CMIP: variants seen among roughly 807,000 people sequenced by gnomAD.
The protein encoded by CMIP is c-Maf inducing protein, also known as C-Maf-inducing protein.
A neutral mutation model predicts 97.3 loss-of-function variants in CMIP; 13 were observed. The ratio of observed to expected loss-of-function variants is 0.13; its 90% CI spans 0.09 to 0.21. CMIP has a LOEUF of 0.21. CMIP is among the 10% of genes least tolerant of loss of function. The pLI is 1.00. For missense variants in CMIP, 847 were observed against 1,024.9 expected (o/e 0.83, Z 2.37); for synonymous variants, 538 against 436.3 (o/e 1.23, Z -2.91).
intron 1 of CMIP, among the ~76,000 whole-genome samples, chr16:81,553,448 C>T (rs550246189): frequency 6.6e-6 from 1 of 152,232 alleles, no homozygotes; most frequent in Non-Finnish European, 1.5e-5. Context: ...CCTTCCTCCT[C>T]TCGGGCCAGA....
At chr16:81,465,692 C>A (rs8060726) in intron 1 of CMIP, among the ~76,000 whole-genome samples, 47,071 of 152,178 alleles carry the variant, frequency 0.31, 7,853 homozygotes, top group East Asian at 0.65. Context: ...CTCTCTGGCT[C>A]GACCATTTCG....
intron 1 of CMIP, among the ~76,000 whole-genome samples, chr16:81,591,364 A>G (rs1265482378): frequency 6.6e-6 from 1 of 152,212 alleles, no homozygotes; most frequent in Admixed American, 6.5e-5. Flanking sequence ...GGAACTCACA[A>G]CACAAACAGC....
At chr16:81,495,305 T>C in intron 1 of CMIP, 1 of 1,437,446 alleles carries the variant, frequency 7.0e-7, no homozygotes, top group Non-Finnish European at 9.1e-7. Flanking sequence ...GGCGGGGCCC[T>C]GGGCAGGCTG....
intron 1 of CMIP, among the ~76,000 whole-genome samples, chr16:81,564,529 GA>G (rs1361544184): frequency 6.6e-6 from 1 of 152,238 alleles, no homozygotes; most frequent in Non-Finnish European, 1.5e-5. Flanking sequence ...AGGAAAATAA[GA>G]GAATGAGAAG....
intron 1 of CMIP, among the ~76,000 whole-genome samples, chr16:81,515,317 G>T (rs144044621): frequency 6.6e-6 from 1 of 152,210 alleles, no homozygotes; most frequent in South Asian, 2.1e-4. Context: ...TTGGCCTTCT[G>T]ATTCTCATCC....
rs150679097 is a variant in CMIP at position 81,457,759 on chromosome 16, C to T, written c.300+12218C>T. Among the ~76,000 whole-genome samples the T allele has an allele frequency of 3.5e-3, 528 of 152,332 alleles. 2 individuals are homozygous for T. The highest frequency in any genetic ancestry group is 6.3e-3 in the Non-Finnish European group (431 of 68,026). On this transcript the variant is annotated intron_variant, in intron 1 of 20. Transcript: ENST00000537098. ...CTCCTGCACCGTCCCACAGTCACCTCGTCTCTTCAGAACTGGCCCACAGGA... is the reference window on the plus strand; with the variant it reads ...CTCCTGCACCGTCCCACAGTCACCTTGTCTCTTCAGAACTGGCCCACAGGA...
chr16:81,584,865 G>A (rs896423421), intron 1 of CMIP, among the ~76,000 whole-genome samples: 5 of 152,206 alleles, frequency 3.3e-5, no homozygotes, highest in African/African-American at 1.2e-4. Context: ...AGCCTGCTGG[G>A]CCTGGATGCC....
chr16:81,618,334 T>G (rs2091948447), intron 2 of CMIP, among the ~76,000 whole-genome samples: 1 of 152,182 alleles, frequency 6.6e-6, no homozygotes, highest in South Asian at 2.1e-4. Context: ...TTAGTCTGAC[T>G]CTGCCCTCCT....
chr16:81,620,946 C>T lies in CMIP; in HGVS notation c.477+20C>T. 5.0e-6 allele frequency: 8 copies of T among 1,613,468 alleles called. No homozygotes were observed. Among genetic ancestry groups the T allele is most frequent in the Non-Finnish European group, 5.9e-6 (7 of 1,179,496 alleles). On this transcript the variant is annotated intron_variant, in intron 3 of 20. Transcript: ENST00000537098. ...TGGAAGGTAAGTACTGACTCGGTTG[C>T]TTGTTTAAAGCGACTCAGGCAGTGG...
intron 19 of CMIP, among the ~76,000 whole-genome samples, chr16:81,706,228 C>T (rs3808612): frequency 0.47 from 71,758 of 152,132 alleles, 17,357 homozygotes; most frequent in East Asian, 0.6. Flanking sequence ...CTGCTTTAGA[C>T]GGGAAGACCC....
intron 1 of CMIP, among the ~76,000 whole-genome samples, chr16:81,491,935 T>G (rs1325615464): frequency 1.3e-5 from 2 of 152,182 alleles, no homozygotes. Flanking sequence ...TGATGGAAGC[T>G]TTTTAGTGGC....
chr16:81,622,137 C>T (rs1250942746), intron 3 of CMIP: 1 of 152,198 alleles, frequency 6.6e-6, no homozygotes, highest in African/African-American at 2.4e-5. Flanking sequence ...TGATGATTAT[C>T]GTTGTTGCCA....
At chr16:81,572,509 G>A (rs1290405353) in intron 1 of CMIP, among the ~76,000 whole-genome samples, 2 of 152,244 alleles carry the variant, frequency 1.3e-5, no homozygotes, top group Non-Finnish European at 2.9e-5. Flanking sequence ...TGTTCTTGGA[G>A]CACCTACTGT....
intron 2 of CMIP, among the ~76,000 whole-genome samples, chr16:81,608,664 G>C (rs927011293): frequency 6.6e-6 from 1 of 151,984 alleles, no homozygotes; most frequent in African/African-American, 2.4e-5. Context: ...GCGGTGAGGT[G>C]CGTCCACCAA....
At chr16:81,592,990 T>A (rs1345417669) in intron 1 of CMIP, among the ~76,000 whole-genome samples, 4 of 152,246 alleles carry the variant, frequency 2.6e-5, no homozygotes, top group Admixed American at 2.6e-4. Flanking sequence ...GGCTGCACCC[T>A]GGGGACCCAG....
At chr16:81,470,411 C>T (rs1328286573) in intron 1 of CMIP, among the ~76,000 whole-genome samples, 2 of 152,322 alleles carry the variant, frequency 1.3e-5, no homozygotes, top group Admixed American at 6.5e-5. Flanking sequence ...GGAGTAGTGG[C>T]GTTTGCACAG....
chr16:81,507,168 A>G (rs571882807), intron 1 of CMIP, among the ~76,000 whole-genome samples: 2 of 152,148 alleles, frequency 1.3e-5, no homozygotes, highest in South Asian at 2.1e-4. Flanking sequence ...AGGCAGGAGA[A>G]TGGCGTGAAC....
chr16:81,707,187 A>T (rs935888752), intron 20 of CMIP, 103 bp downstream of exon 20: 8 of 912,732 alleles, frequency 8.8e-6, no homozygotes, highest in Non-Finnish European at 1.4e-5. Context: ...GTAAAGGATG[A>T]TGACATCTAC....
intron 3 of CMIP, among the ~76,000 whole-genome samples, chr16:81,643,813 G>T (rs1440968823): frequency 6.8e-6 from 1 of 146,690 alleles, no homozygotes; most frequent in Admixed American, 6.7e-5. Flanking sequence ...AAATAAATAA[G>T]GTTAATGGTT....
Sources: allele counts gnomAD v4.1 joint callset (sites outside exome capture counted in the v4.1 genomes callset), GRCh38; gene constraint gnomAD v4.1.1; transcripts MANE v1.5; gene names NCBI Gene and HGNC (gene_info 2026-07-23, HGNC 2026-07-21).